Variants in OVCH2 observed in about 807,000 individuals in gnomAD.
OVCH2 encodes the protein ovochymase-2.
Under a neutral mutation model 73.7 loss-of-function variants are expected in OVCH2, and 88 were observed. The observed-to-expected ratio is 1.19, with a 90% CI of 1.01 to 1.43. The LOEUF is 1.43. Ranked by LOEUF, OVCH2 falls within the 40% of genes most tolerant of loss-of-function variation. OVCH2 has a pLI of 0.00. For synonymous variants in OVCH2, 265 were observed against 234.5 expected (o/e 1.13, Z -1.19); for missense variants, 706 against 674.5 (o/e 1.05, Z -0.52).
intron 7 of OVCH2, 66 bp from the exon 8 acceptor site, chr11:7,698,839 A>G: frequency 1.3e-6 from 2 of 1,524,378 alleles, no homozygotes; most frequent in South Asian, 1.2e-5. Context: ...TCAAGAAGTT[A>G]GCATCTTCTT....
At chr11:7,680,167 C>A in the OVCH2 span, among the ~76,000 whole-genome samples, 1 of 152,206 alleles carries the variant, frequency 6.6e-6, no homozygotes, top group Admixed American at 6.5e-5. Context: ...ATTCTGGAAG[C>A]CCAGCCTTGA....
intron 12 of OVCH2, among the ~76,000 whole-genome samples, chr11:7,692,615 A>G (rs1028989933): frequency 6.6e-6 from 1 of 152,362 alleles, no homozygotes. Context: ...AAGCATTTGC[A>G]TAAGTGGGCT....
the OVCH2 span, among the ~76,000 whole-genome samples, chr11:7,682,667 C>T: frequency 2.6e-5 from 4 of 152,194 alleles, no homozygotes; most frequent in Non-Finnish European, 4.4e-5. Flanking sequence ...AGAACATTGC[C>T]CCAGCAGTTT....
the OVCH2 span, among the ~76,000 whole-genome samples, chr11:7,683,831 C>G: frequency 6.6e-6 from 1 of 152,140 alleles, no homozygotes; most frequent in Non-Finnish European, 1.5e-5. Context: ...CCCTTATTAT[C>G]TGCATAGCCT....
intron 8 of OVCH2, among the ~76,000 whole-genome samples, chr11:7,697,199 G>C (rs890290895): frequency 2.6e-5 from 4 of 152,062 alleles, no homozygotes; most frequent in Non-Finnish European, 4.4e-5. Context: ...GCCACACCCG[G>C]CTAATTTTTT....
chr11:7,702,361 T>A, intron 3 of OVCH2, 32 bp from the exon 4 acceptor site: 1 of 1,521,522 alleles, frequency 6.6e-7, no homozygotes, highest in South Asian at 1.3e-5. Flanking sequence ...ATGAATGAAT[T>A]TCATTGTGCC....
chr11:7,695,785 G>A, intron 10 of OVCH2, 75 bp from the exon 11 acceptor site: 1 of 1,530,328 alleles, frequency 6.5e-7, no homozygotes, highest in Non-Finnish European at 8.8e-7. Flanking sequence ...AAGAAGAACT[G>A]AATTTGCCAT....
rs761619944 is a variant in OVCH2, at chr11:7,695,599, T to C, written c.1253A>G (p.Tyr418Cys). The change falls in exon 11 of 16, where the codon TAT becomes TGT. Residue 418 changes from tyrosine (Y) to cysteine (C), a missense_variant. Tyr to Cys is a radical substitution (Grantham distance 194). Transcript: ENST00000533663. ...AATGTAGTTTGGTTTAAGAGCTTTA[T>C]AGGTAAGATTAAACCCAGCTGCATT... ...TDNAAGFNLT[Y>C]KALKPNYIPD... is the part of the protein sequence containing the mutation. The C allele has an allele frequency of 6.2e-7, 1 of 1,613,716 alleles. No homozygotes were observed. Among genetic ancestry groups the C allele is most frequent in the Non-Finnish European group, 8.5e-7 (1 of 1,179,712 alleles).
At chr11:7,700,605 T>A (rs1856419240) in intron 6 of OVCH2, 120 bp from the exon 7 acceptor site, 1 of 1,138,048 alleles carries the variant, frequency 8.8e-7, no homozygotes, top group South Asian at 1.6e-5. Flanking sequence ...TCTAATAATT[T>A]AGACTCAGGG....
intron 7 of OVCH2, chr11:7,700,018 G>A: frequency 2.8e-6 from 1 of 353,464 alleles, no homozygotes; most frequent in South Asian, 5.6e-5. Flanking sequence ...AGTGGTGAAA[G>A]CATATCATCA....
intron 3 of OVCH2, among the ~76,000 whole-genome samples, chr11:7,703,088 G>C (rs1316396080): frequency 6.6e-6 from 1 of 152,110 alleles, no homozygotes; most frequent in Non-Finnish European, 1.5e-5. Flanking sequence ...TGGTACCTTT[G>C]GTATCTAGCA....
chr11:7,685,068 G>T (rs560505592), downstream of OVCH2, among the ~76,000 whole-genome samples: 1 of 152,212 alleles, frequency 6.6e-6, no homozygotes, highest in Admixed American at 6.5e-5. Flanking sequence ...AAGCAGAGAG[G>T]CATTCTTTCT....
At chr11:7,704,227 T>C (rs1565171801) in intron 2 of OVCH2, among the ~76,000 whole-genome samples, 1 of 152,198 alleles carries the variant, frequency 6.6e-6, no homozygotes, top group Non-Finnish European at 1.5e-5. Flanking sequence ...CCTATTTCTC[T>C]AAGCCTCTTA....
downstream of OVCH2, among the ~76,000 whole-genome samples, chr11:7,686,369 T>C (rs1196254071): frequency 1.3e-5 from 2 of 152,228 alleles, no homozygotes; most frequent in African/African-American, 2.4e-5. Context: ...TAATGGATTG[T>C]ACATTAATGC....
At position 7,692,922 on chromosome 11, in the gene OVCH2, T is replaced by C. The variant is rs1288357746; in HGVS notation, c.1414-927A>G. On this transcript the variant is annotated intron_variant, in intron 12 of 15. Coordinates refer to ENST00000533663, the MANE Select transcript of OVCH2 (RefSeq NM_198185.7). ...TCCTTGAGACCTGTATTTTTTGCTA[T>C]CTTAAAAACTTGGCAGTGAATATCT... is the stretch of plus-strand genomic sequence containing the variant. Among the ~76,000 whole-genome samples, 9 of 152,368 alleles carry C rather than the reference T, an allele frequency of 5.9e-5. No homozygotes were observed. In the East Asian group the frequency reaches 1.7e-3, roughly 29 times the overall value.
intron 8 of OVCH2, 31 bp from the exon 9 acceptor site, chr11:7,696,830 A>AG: frequency 6.4e-7 from 1 of 1,573,680 alleles, no homozygotes; most frequent in Non-Finnish European, 8.6e-7. Context: ...AGTCAGGGTT[A>AG]GTTATGCCAG....
rs1856533235 is a variant in OVCH2, at chr11:7,706,460, G to A, written c.-66C>T. 4.6e-6 allele frequency: 7 copies of A among 1,510,200 alleles called. No individual in the cohort carries two copies. Among genetic ancestry groups the A allele is most frequent in the Non-Finnish European group, 6.2e-6 (7 of 1,133,748 alleles). The allele number at this position is 1,510,200 out of a possible 1,614,324, so 93.5% of individuals were successfully genotyped here. A position where few individuals can be genotyped will look rare whatever the true frequency, so the allele number is the denominator to read the frequency against. On this transcript the variant is annotated 5_prime_UTR_variant, in exon 1 of 16. Transcript: ENST00000533663. ...AAAGCAAACAAAAATAGGAAGCCTT[G>A]AGAGACCAGCAATAAGCCAATTTAA...
At chr11:7,691,686 T>C (rs1005196114) in intron 13 of OVCH2, among the ~76,000 whole-genome samples, 1 of 152,176 alleles carries the variant, frequency 6.6e-6, no homozygotes, top group Non-Finnish European at 1.5e-5. Flanking sequence ...AGTTTCCTCA[T>C]GGGCCTTTTG....
At chr11:7,695,957 A>G (rs1270963231) in intron 10 of OVCH2, among the ~76,000 whole-genome samples, 1 of 152,220 alleles carries the variant, frequency 6.6e-6, no homozygotes. Flanking sequence ...TGACAACTGA[A>G]AAATGCTTCT....
Sources: gnomAD v4.1 joint callset for allele counts (sites outside exome capture counted in the v4.1 genomes callset) on GRCh38, gnomAD v4.1.1 for gene constraint, MANE v1.5 for transcripts, NCBI Gene and HGNC (gene_info 2026-07-23, HGNC 2026-07-21) for gene names.